Variants in CAMKMT observed in about 807,000 individuals in gnomAD.
CAMKMT encodes calmodulin-lysine N-methyltransferase, also known as CaM KMT.
In CAMKMT, 53 loss-of-function variants were observed where a neutral mutation model predicts 48.0. The observed-to-expected ratio is 1.10, with a 90% CI of 0.89 to 1.39. CAMKMT has a LOEUF of 1.39. Among genes scored for constraint, CAMKMT ranks in the 40% most tolerant of loss-of-function variants. The probability of loss-of-function intolerance (pLI) is 0.00; values close to 1 mark genes in which losing one functional copy is unlikely to be tolerated. For missense variants in CAMKMT, 428 were observed against 402.7 expected (o/e 1.06, Z -0.54); for synonymous variants, 165 against 152.3 (o/e 1.08, Z -0.61).
chr2:44,594,110 T>C (rs901390018), intron 3 of CAMKMT, among the ~76,000 whole-genome samples: 6 of 152,054 alleles, frequency 3.9e-5, no homozygotes, highest in African/African-American at 1.4e-4. Context: ...TTACAAGGGT[T>C]GTGAAGGACC....
intron 3 of CAMKMT, among the ~76,000 whole-genome samples, chr2:44,414,010 G>A (rs1240043200): frequency 6.6e-6 from 1 of 152,154 alleles, no homozygotes; most frequent in Non-Finnish European, 1.5e-5. Flanking sequence ...GGCTCAGGGT[G>A]GCATTGTATT....
At chr2:44,545,228 C>T (rs902372933) in intron 3 of CAMKMT, among the ~76,000 whole-genome samples, 6 of 152,218 alleles carry the variant, frequency 3.9e-5, no homozygotes, top group Non-Finnish European at 5.9e-5. Context: ...AGGATTGCTT[C>T]TGCAAACCAC....
At chr2:44,622,524 G>A (rs766830176) in intron 3 of CAMKMT, among the ~76,000 whole-genome samples, 1 of 152,058 alleles carries the variant, frequency 6.6e-6, no homozygotes, top group Non-Finnish European at 1.5e-5. Flanking sequence ...ATTCCCCAAT[G>A]TCTGTTCCCA....
intron 2 of CAMKMT, among the ~76,000 whole-genome samples, chr2:44,376,294 ATCCCAGTATCCCAGT>A (rs1679684157): frequency 6.6e-6 from 1 of 151,952 alleles, no homozygotes; most frequent in African/African-American, 2.4e-5. Context: ...CATGCCTGTA[ATCCCAGTATCCCAGT>A]TACTCGGTGG....
chr2:44,584,331 T>C lies in CAMKMT; in HGVS notation c.377-119952T>C, dbSNP rs578102454. Reference sequence around the variant, plus strand: ...AGATGAAAGAAGTGGTACATTTTTATTTATGAGCTGTGAAAATGTACTAGA... The same window carrying C: ...AGATGAAAGAAGTGGTACATTTTTACTTATGAGCTGTGAAAATGTACTAGA... On this transcript the variant is annotated intron_variant, in intron 3 of 10. Transcript: ENST00000378494. Among the ~76,000 whole-genome samples, 10 of 152,348 alleles carry C rather than the reference T, an allele frequency of 6.6e-5. No homozygotes were observed. In the South Asian group the frequency reaches 2.1e-3, roughly 32 times the overall value.
At position 44,494,441 on chromosome 2, in the gene CAMKMT, A is replaced by G. The variant is rs528499525; in HGVS notation, c.376+104136A>G. Among the ~76,000 whole-genome samples the G allele has an allele frequency of 5.9e-5, 9 of 152,304 alleles. 1 individual carries two copies. The South Asian group carries it at 1.7e-3, about 28-fold the overall frequency. The stretch of plus-strand genomic sequence containing the variant: ...CTCTTCCCTCTGTTTACGTACAAAA[A>G]TGAGATACTCTCATTCTCTAGAATT... On this transcript the variant is annotated intron_variant, in intron 3 of 10. Coordinates refer to ENST00000378494, the MANE Select transcript of CAMKMT (RefSeq NM_024766.5).
chr2:44,384,665 G>A (rs926982880), intron 2 of CAMKMT, among the ~76,000 whole-genome samples: 55 of 151,896 alleles, frequency 3.6e-4, no homozygotes, highest in African/African-American at 1.3e-3. Context: ...TTTTTATAAG[G>A]TGATATGAGT....
At chr2:44,568,651 G>A (rs1454579815) in intron 3 of CAMKMT, among the ~76,000 whole-genome samples, 1 of 152,172 alleles carries the variant, frequency 6.6e-6, no homozygotes, top group Non-Finnish European at 1.5e-5. Context: ...GGAGAGGAAG[G>A]AGAAGGGGCC....
intron 3 of CAMKMT, among the ~76,000 whole-genome samples, chr2:44,409,772 G>GT (rs1683062518): frequency 6.6e-6 from 1 of 152,024 alleles, no homozygotes; most frequent in African/African-American, 2.4e-5. Flanking sequence ...GAAAATCACT[G>GT]TTTTTTTAAT....
At chr2:44,528,181 T>A (rs1335793499) in intron 3 of CAMKMT, among the ~76,000 whole-genome samples, 1 of 151,918 alleles carries the variant, frequency 6.6e-6, no homozygotes, top group Non-Finnish European at 1.5e-5. Flanking sequence ...AATATAAGCA[T>A]TTTTTTTCTT....
chr2:44,402,968 C>T (rs1067322), intron 3 of CAMKMT, among the ~76,000 whole-genome samples: 92,104 of 146,480 alleles, frequency 0.63, 29,145 homozygotes, highest in Middle Eastern at 0.68. Flanking sequence ...TCCTTTAAAT[C>T]GCTTTTTCTG....
intron 3 of CAMKMT, among the ~76,000 whole-genome samples, chr2:44,462,995 G>A (rs1341480908): frequency 6.6e-6 from 1 of 152,140 alleles, no homozygotes; most frequent in Non-Finnish European, 1.5e-5. Flanking sequence ...GCCAATTCAA[G>A]TTTGATTTTA....
rs149458880 is a variant in CAMKMT, at chr2:44,382,692, G to A, written c.312-7549G>A. ...TACAGGGTTTCACTGTGTTAGCCTG[G>A]ATGGTCTCGATCTCCTGACCTGGTG... On this transcript the variant is annotated intron_variant, in intron 2 of 10. Transcript: ENST00000378494. 1.0e-2 allele frequency among the ~76,000 whole-genome samples: 1,519 copies of A among 151,954 alleles called. 9 individuals are homozygous for A. The highest frequency in any genetic ancestry group is 0.014 in the Admixed American group (207 of 15,268).
intron 3 of CAMKMT, among the ~76,000 whole-genome samples, chr2:44,604,219 T>G (rs1015926141): frequency 6.6e-6 from 1 of 152,212 alleles, no homozygotes; most frequent in Non-Finnish European, 1.5e-5. Context: ...TTAGTAATCA[T>G]TTTCTTAAAA....
At chr2:44,564,886 A>G (rs541284395) in intron 3 of CAMKMT, among the ~76,000 whole-genome samples, 2 of 152,300 alleles carry the variant, frequency 1.3e-5, no homozygotes, top group Non-Finnish European at 2.9e-5. Context: ...TAGTGTCATT[A>G]CATATATGCA....
At chr2:44,452,325 C>T (rs1390991144) in intron 3 of CAMKMT, among the ~76,000 whole-genome samples, 1 of 151,950 alleles carries the variant, frequency 6.6e-6, no homozygotes, top group Non-Finnish European at 1.5e-5. Context: ...TCTAACTAGG[C>T]ATAGCGCCAG....
intron 3 of CAMKMT, among the ~76,000 whole-genome samples, chr2:44,575,823 C>T (rs943720423): frequency 1.3e-5 from 2 of 151,812 alleles, no homozygotes; most frequent in African/African-American, 2.4e-5. Context: ...TGCACCACTA[C>T]ACTCCAGTCT....
At chr2:44,383,956 C>T (rs899291625) in intron 2 of CAMKMT, among the ~76,000 whole-genome samples, 19 of 152,050 alleles carry the variant, frequency 1.2e-4, no homozygotes, top group Admixed American at 4.6e-4. Flanking sequence ...GGGTCTTTTT[C>T]GAATAATGAC....
rs1363650191 is a variant in CAMKMT at position 44,372,889 on chromosome 2, G to C, written c.311+1G>C. ...GTCCTGAATACAGTATCTCCTTAAG[G>C]TAACCATTATTCTAGTTAAGATTTT... is the stretch of plus-strand genomic sequence containing the variant. On this transcript the variant is annotated splice_donor_variant, in intron 2 of 10. Coordinates refer to ENST00000378494, the MANE Select transcript of CAMKMT (RefSeq NM_024766.5). LOFTEE classifies it high-confidence loss of function. 1 of 1,607,226 alleles carries C rather than the reference G, an allele frequency of 6.2e-7. No homozygotes were observed. The highest frequency in any genetic ancestry group is 1.7e-4 in the Middle Eastern group (1 of 6,046).
Sources: allele counts gnomAD v4.1 joint callset (sites outside exome capture counted in the v4.1 genomes callset), GRCh38; gene constraint gnomAD v4.1.1; transcripts MANE v1.5; gene names NCBI Gene and HGNC (gene_info 2026-07-23, HGNC 2026-07-21).